The following NWD2 variants were observed in gnomAD, a reference collection of about 807,000 sequenced individuals.
NWD2 encodes the protein NACHT and WD repeat domain containing 2.
A neutral mutation model predicts 132.7 loss-of-function variants in NWD2; 37 were observed. That is an observed-to-expected ratio of 0.28 (90% CI 0.21 to 0.37). The LOEUF is 0.37. NWD2 is among the 10% of genes least tolerant of loss of function. The pLI, the probability that NWD2 is intolerant of heterozygous loss-of-function variation, is 1.00. For missense variants in NWD2, 1,592 were observed against 2,122.4 expected (o/e 0.75, Z 4.91); for synonymous variants, 705 against 803.0 (o/e 0.88, Z 2.06).
chr4:37,318,848 A>G (rs529836300), intron 1 of NWD2, among the ~76,000 whole-genome samples: 38 of 152,304 alleles, frequency 2.5e-4, no homozygotes, highest in Admixed American at 2.5e-3. Context: ...CATGGTGTAT[A>G]TGTACCACAT....
At chr4:37,275,941 A>G (rs1358671623) in intron 1 of NWD2, among the ~76,000 whole-genome samples, 1 of 152,224 alleles carries the variant, frequency 6.6e-6, no homozygotes, top group African/African-American at 2.4e-5. Context: ...CTTATACAAA[A>G]ATTAATTCAA....
chr4:37,312,613 C>T (rs1718870468), intron 1 of NWD2, among the ~76,000 whole-genome samples: 1 of 150,838 alleles, frequency 6.6e-6, no homozygotes, highest in African/African-American at 2.5e-5. Flanking sequence ...TAATTGAATA[C>T]CCTTTATTTC....
At chr4:37,302,272 T>G (rs147319901) in intron 1 of NWD2, among the ~76,000 whole-genome samples, 2 of 152,182 alleles carry the variant, frequency 1.3e-5, no homozygotes, top group Non-Finnish European at 2.9e-5. Flanking sequence ...TCACTCATGT[T>G]GCCACGAATG....
At chr4:37,437,466 T>C (rs1712351300) in intron 5 of NWD2, among the ~76,000 whole-genome samples, 1 of 152,166 alleles carries the variant, frequency 6.6e-6, no homozygotes, top group African/African-American at 2.4e-5. Flanking sequence ...TTTCAACATA[T>C]AAATTTCTGG....
chr4:37,290,974 G>C (rs1175673430), intron 1 of NWD2, among the ~76,000 whole-genome samples: 1 of 152,086 alleles, frequency 6.6e-6, no homozygotes, highest in Non-Finnish European at 1.5e-5. Context: ...TGGTTTAATG[G>C]GACTTCTTAA....
intron 3 of NWD2, among the ~76,000 whole-genome samples, chr4:37,393,272 A>ATT (rs1288498571): frequency 6.6e-6 from 1 of 152,216 alleles, no homozygotes; most frequent in Non-Finnish European, 1.5e-5. Context: ...TGCTATGAAT[A>ATT]ATCATCATTT....
chr4:37,260,708 G>T (rs1157754755), intron 1 of NWD2, among the ~76,000 whole-genome samples: 1 of 152,168 alleles, frequency 6.6e-6, no homozygotes, highest in African/African-American at 2.4e-5. Flanking sequence ...GGTATGAGTA[G>T]GGTAAAATAG....
rs10022838 is a variant in NWD2, at chr4:37,296,946, A to G, written c.152-28990A>G. Among the ~76,000 whole-genome samples, 1,506 of 152,272 alleles carry G rather than the reference A, an allele frequency of 9.9e-3. 24 individuals carry two copies. Among genetic ancestry groups the G allele is most frequent in the African/African-American group, 0.034 (1,420 of 41,540 alleles). Reference sequence around the variant, plus strand: ...TATTCACAATCCAGTGTTCACAGCAACTTCATAGAACTTAAGTTCTGCAAA... The same window carrying G: ...TATTCACAATCCAGTGTTCACAGCAGCTTCATAGAACTTAAGTTCTGCAAA... On this transcript the variant is annotated intron_variant, in intron 1 of 6. Transcript: ENST00000309447.
intron 1 of NWD2, among the ~76,000 whole-genome samples, chr4:37,262,384 C>T (rs1035029625): frequency 2.6e-5 from 4 of 152,152 alleles, no homozygotes; most frequent in African/African-American, 9.7e-5. Context: ...TTCTCCACAC[C>T]TTCATCAGCA....
At chr4:37,246,449 G>A (rs1717247281) in intron 1 of NWD2, among the ~76,000 whole-genome samples, 1 of 152,128 alleles carries the variant, frequency 6.6e-6, no homozygotes, top group East Asian at 1.9e-4. Flanking sequence ...TATACTCTTG[G>A]GGGACGGCAC....
In NWD2 at chr4:37,398,222, G is replaced by T. The variant is rs370911071; in HGVS notation, c.358-32350G>T. Among the ~76,000 whole-genome samples, 20 of 152,178 alleles carry T rather than the reference G, an allele frequency of 1.3e-4. No individual in the cohort carries two copies. In the East Asian group the frequency reaches 2.1e-3, roughly 16 times the overall value. ...AGAGGGGTTAAATAACTTATCCAGG[G>T]TCATAAACAAAATGTGGCACATATA... On this transcript the variant is annotated intron_variant, in intron 3 of 6. Transcript: ENST00000309447.
chr4:37,445,978 C>G lies in NWD2; in HGVS notation c.3990C>G (p.Ile1330Met), dbSNP rs1035953245. 6.4e-7 allele frequency: 1 copy of G among 1,551,596 alleles called. No individual in the cohort carries two copies. The highest frequency in any genetic ancestry group is 1.2e-5 in the South Asian group (1 of 84,022). The change falls in exon 7 of 7, where the codon ATC (isoleucine) becomes ATG (methionine). Residue 1330 changes from isoleucine to methionine, a missense_variant. Coordinates refer to ENST00000309447, the MANE Select transcript of NWD2 (RefSeq NM_001144990.2). The surrounding 1 kb of genome is among the most constrained non-coding windows in gnomAD (Gnocchi z 4.7). ...QSLLLPARGEIIYSLDGSDCV... is the reference protein window; with the variant it reads ...QSLLLPARGEMIYSLDGSDCV... ...TGTTGTTGCCTGCTAGAGGGGAAAT[C>G]ATTTACTCCCTGGATGGATCCGATT...
chr4:37,359,343 C>T (rs1031688653), intron 3 of NWD2, among the ~76,000 whole-genome samples: 1 of 151,994 alleles, frequency 6.6e-6, no homozygotes, highest in Non-Finnish European at 1.5e-5. Flanking sequence ...TTCACCCCAG[C>T]GATCCTAAAT....
chr4:37,417,459 C>A (rs1214290521), intron 3 of NWD2, among the ~76,000 whole-genome samples: 1 of 151,878 alleles, frequency 6.6e-6, no homozygotes, highest in Non-Finnish European at 1.5e-5. Flanking sequence ...TGCTAATAGA[C>A]TAATGGGGTA....
chr4:37,348,442 G>A (rs1195116138), intron 2 of NWD2, among the ~76,000 whole-genome samples: 1 of 151,662 alleles, frequency 6.6e-6, no homozygotes, highest in Non-Finnish European at 1.5e-5. Context: ...TGGCAGAGAA[G>A]ACATGAGGCC....
intron 1 of NWD2, among the ~76,000 whole-genome samples, chr4:37,290,064 C>CTT (rs1452560506): frequency 6.6e-6 from 1 of 152,174 alleles, no homozygotes; most frequent in African/African-American, 2.4e-5. Flanking sequence ...CTTCTAAGCC[C>CTT]TTTCTCATAG....
At chr4:37,265,737 C>A (rs1397518905) in intron 1 of NWD2, among the ~76,000 whole-genome samples, 1 of 151,948 alleles carries the variant, frequency 6.6e-6, no homozygotes, top group African/African-American at 2.4e-5. Flanking sequence ...CTTATGCCTC[C>A]CTCTTATAAG....
At chr4:37,396,280 C>T (rs1720790522) in intron 3 of NWD2, among the ~76,000 whole-genome samples, 1 of 152,202 alleles carries the variant, frequency 6.6e-6, no homozygotes, top group African/African-American at 2.4e-5. Context: ...CCCCAGCAAT[C>T]CACCTTATTT....
intron 3 of NWD2, among the ~76,000 whole-genome samples, chr4:37,381,293 G>C (rs1720447480): frequency 6.6e-6 from 1 of 152,196 alleles, no homozygotes; most frequent in Non-Finnish European, 1.5e-5. Context: ...GCTCTCCTGG[G>C]TGGAGTGAGT....
Sources: allele counts gnomAD v4.1 joint callset (sites outside exome capture counted in the v4.1 genomes callset), GRCh38; gene constraint gnomAD v4.1.1; non-coding constraint Gnocchi (gnomAD v3.1); transcripts MANE v1.5; gene names NCBI Gene and HGNC (gene_info 2026-07-23, HGNC 2026-07-21).